Variants in UMAD1 observed in about 807,000 individuals in gnomAD.
The protein encoded by UMAD1 is UBAP1-MVB12-associated (UMA)-domain containing protein 1.
Under a neutral mutation model 6.1 loss-of-function variants are expected in UMAD1, and 8 were observed. That is an observed-to-expected ratio of 1.30 (90% CI 0.76 to 2.35). The LOEUF (loss-of-function observed/expected upper bound fraction) is 2.35. Among genes scored for constraint, UMAD1 ranks in the 30% most tolerant of loss-of-function variants. The pLI is 0.00. For missense variants in UMAD1, 130 were observed against 78.4 expected, an observed-to-expected ratio of 1.66 and a Z score of -2.49; for synonymous variants, 56 against 31.4, an observed-to-expected ratio of 1.78 and a Z score of -2.61.
chr7:7,646,165 G>A (rs1458967187), intron 1 of UMAD1, among the ~76,000 whole-genome samples: 1 of 152,140 alleles, frequency 6.6e-6, no homozygotes, highest in African/African-American at 2.4e-5. Context: ...AGCCTTTTTG[G>A]GTTCCCACAC....
At chr7:7,661,110 A>G (rs1049914960) in intron 1 of UMAD1, among the ~76,000 whole-genome samples, 2 of 151,834 alleles carry the variant, frequency 1.3e-5, no homozygotes, top group Non-Finnish European at 2.9e-5. Context: ...TGATTCGGCT[A>G]TTGATACTTG....
At position 7,643,977 on chromosome 7, in the gene UMAD1, A is replaced by C. The variant is rs948337883; in HGVS notation, c.-64+3156A>C. On this transcript the variant is annotated intron_variant, in intron 1 of 3. Transcript: ENST00000682710. ...TGCTACTGACCCGTGAGGATAGGCC[A>C]CCGGTAACTTGGGGTAACTTGGATC... Among the ~76,000 whole-genome samples the C allele has an allele frequency of 3.9e-5, 6 of 152,284 alleles. No individual in the cohort carries two copies. In the East Asian group the frequency reaches 1.2e-3, roughly 29 times the overall value.
intron 1 of UMAD1, among the ~76,000 whole-genome samples, chr7:7,660,085 G>C (rs898294853): frequency 6.6e-6 from 1 of 152,120 alleles, no homozygotes; most frequent in African/African-American, 2.4e-5. Context: ...GATCTTTGTT[G>C]GTTTAAAGTC....
chr7:7,683,157 C>T (rs1425903181), intron 2 of UMAD1, among the ~76,000 whole-genome samples: 1 of 152,182 alleles, frequency 6.6e-6, no homozygotes, highest in Admixed American at 6.5e-5. Context: ...GTGGGAAAGT[C>T]ATTCATTTTT....
intron 2 of UMAD1, among the ~76,000 whole-genome samples, chr7:7,732,851 A>G (rs1781283074): frequency 6.6e-6 from 1 of 152,224 alleles, no homozygotes; most frequent in Non-Finnish European, 1.5e-5. Flanking sequence ...AAAACCTTAT[A>G]AAGGGTGGCA....
chr7:7,796,348 T>A lies in UMAD1; in HGVS notation c.83-5322T>A, dbSNP rs1286393386. ...CTCACCACAACCTCCGCCTCCCAGG[T>A]TCAAGTGATTCTCCTGCTTCAGCCT... On this transcript the variant is annotated intron_variant, in intron 2 of 3. Transcript: ENST00000682710. Among the ~76,000 whole-genome samples, 3 of 143,714 alleles carry A rather than the reference T, an allele frequency of 2.1e-5. No individual in the cohort carries two copies. In the Admixed American group the frequency reaches 2.2e-4, roughly 10 times the overall value. 94.3% of individuals were successfully genotyped at this position (143,714 alleles called of 152,430 possible).
intron 2 of UMAD1, among the ~76,000 whole-genome samples, chr7:7,694,034 A>T (rs1244583224): frequency 1.3e-5 from 2 of 152,110 alleles, no homozygotes; most frequent in East Asian, 3.8e-4. Flanking sequence ...GTTTTTTTCA[A>T]CTGAGTCATT....
intron 3 of UMAD1, among the ~76,000 whole-genome samples, chr7:7,853,356 G>T (rs933040956): frequency 2.0e-5 from 3 of 152,128 alleles, no homozygotes; most frequent in African/African-American, 7.2e-5. Flanking sequence ...AATGAAATCA[G>T]TTGGGATTCT....
intron 3 of UMAD1, among the ~76,000 whole-genome samples, chr7:7,829,721 A>G (rs1485774556): frequency 1.3e-5 from 2 of 152,214 alleles, no homozygotes; most frequent in African/African-American, 4.8e-5. Context: ...GATGGAAAAT[A>G]TTATGACACA....
At chr7:7,716,473 G>C (rs1202523661) in intron 2 of UMAD1, among the ~76,000 whole-genome samples, 1 of 152,212 alleles carries the variant, frequency 6.6e-6, no homozygotes, top group Non-Finnish European at 1.5e-5. Flanking sequence ...AAGCAAGCTG[G>C]AAGCTTGCAC....
At chr7:7,714,596 A>G (rs548898548) in intron 2 of UMAD1, among the ~76,000 whole-genome samples, 2 of 152,336 alleles carry the variant, frequency 1.3e-5, no homozygotes, top group South Asian at 4.1e-4. Flanking sequence ...ATTTGTAAAT[A>G]TCTTTAAATT....
chr7:7,835,880 T>A (rs1427984006), intron 3 of UMAD1, among the ~76,000 whole-genome samples: 1 of 152,068 alleles, frequency 6.6e-6, no homozygotes, highest in African/African-American at 2.4e-5. Context: ...TTCTTCTCAA[T>A]TGGTTTGGAA....
intron 2 of UMAD1, among the ~76,000 whole-genome samples, chr7:7,690,816 G>A (rs997398104): frequency 3.3e-5 from 5 of 152,076 alleles, no homozygotes; most frequent in Non-Finnish European, 7.4e-5. Flanking sequence ...CTAGCCTGTA[G>A]GCATCTTTTC....
intron 3 of UMAD1, among the ~76,000 whole-genome samples, chr7:7,828,465 A>G (rs895873585): frequency 6.6e-6 from 1 of 152,200 alleles, no homozygotes; most frequent in African/African-American, 2.4e-5. Flanking sequence ...CAAGTCACTG[A>G]ATCAAAATTG....
At chr7:7,827,856 T>G (rs1248790789) in intron 3 of UMAD1, among the ~76,000 whole-genome samples, 2 of 152,166 alleles carry the variant, frequency 1.3e-5, no homozygotes, top group African/African-American at 4.8e-5. Context: ...AAACTCCAAT[T>G]CACATGTACA....
At chr7:7,825,423 C>T (rs547073193) in intron 3 of UMAD1, among the ~76,000 whole-genome samples, 4 of 152,270 alleles carry the variant, frequency 2.6e-5, no homozygotes, top group African/African-American at 9.6e-5. Context: ...TTAGGACTTA[C>T]AGTTCTGCAT....
At chr7:7,847,742 A>G (rs541465181) in intron 3 of UMAD1, among the ~76,000 whole-genome samples, 1 of 152,224 alleles carries the variant, frequency 6.6e-6, no homozygotes, top group East Asian at 1.9e-4. Context: ...ATCTAAATGA[A>G]GCCTTGCTAT....
Position 7,870,786 on chromosome 7 carries a change from A to C in UMAD1, c.157-6495A>C, listed in dbSNP as rs558850659. On this transcript the variant is annotated intron_variant, in intron 3 of 3. Coordinates refer to ENST00000682710, the MANE Select transcript of UMAD1 (RefSeq NM_001302348.2). The stretch of plus-strand genomic sequence containing the variant: ...TCATGGCACTCACCCTGCTGCCAAG[A>C]GGGCAGGCAGCCTCCTTGGAGACTG... Among the ~76,000 whole-genome samples, 4 of 152,326 alleles carry C rather than the reference A, an allele frequency of 2.6e-5. No homozygotes were observed. The East Asian group carries it at 7.7e-4, about 29-fold the overall frequency.
intron 2 of UMAD1, among the ~76,000 whole-genome samples, chr7:7,775,595 A>G (rs977881240): frequency 6.6e-6 from 1 of 152,212 alleles, no homozygotes; most frequent in Non-Finnish European, 1.5e-5. Flanking sequence ...CAGCATGAGA[A>G]TGGACTAATA....
Sources: gnomAD v4.1 joint callset for allele counts (sites outside exome capture counted in the v4.1 genomes callset) on GRCh38, gnomAD v4.1.1 for gene constraint, MANE v1.5 for transcripts, NCBI Gene and HGNC (gene_info 2026-07-23, HGNC 2026-07-21) for gene names.